DGKB: variants seen among roughly 807,000 people sequenced by gnomAD.
The protein encoded by DGKB is 90 kDa diacylglycerol kinase.
DGKB carries 67 observed loss-of-function variants against 114.3 expected under a neutral mutation model. The ratio of observed to expected loss-of-function variants is 0.59; its 90% CI spans 0.48 to 0.72. DGKB has a LOEUF of 0.72. Ranked by LOEUF, DGKB falls within the 30% of genes least tolerant of loss-of-function variation. DGKB has a pLI of 0.00. For synonymous variants in DGKB, 398 were observed against 323.1 expected, an observed-to-expected ratio of 1.23 and a Z score of -2.49; for missense variants, 907 against 975.2, an observed-to-expected ratio of 0.93 and a Z score of 0.93.
At chr7:14,676,185 T>C (rs1585566592) in intron 12 of DGKB, among the ~76,000 whole-genome samples, 1 of 148,542 alleles carries the variant, frequency 6.7e-6, no homozygotes, top group African/African-American at 2.6e-5. Context: ...AAATTTTTTT[T>C]CTTTAAGATA....
intron 8 of DGKB, among the ~76,000 whole-genome samples, chr7:14,695,107 A>G (rs1823585682): frequency 6.6e-6 from 1 of 152,180 alleles, no homozygotes; most frequent in African/African-American, 2.4e-5. Flanking sequence ...TGCATGAAAT[A>G]TTTGATTTGT....
intron 9 of DGKB, among the ~76,000 whole-genome samples, chr7:14,693,048 T>A (rs189846789): frequency 6.6e-6 from 1 of 152,190 alleles, no homozygotes; most frequent in Non-Finnish European, 1.5e-5. Context: ...AAATGACTTT[T>A]AAAAATTTGG....
chr7:14,206,322 G>A (rs1204246328), intron 23 of DGKB, among the ~76,000 whole-genome samples: 2 of 152,026 alleles, frequency 1.3e-5, no homozygotes, highest in African/African-American at 2.4e-5. Flanking sequence ...GAATTCATGT[G>A]TAAGCAACAA....
chr7:14,456,839 A>G (rs1832355619), intron 21 of DGKB, among the ~76,000 whole-genome samples: 1 of 152,126 alleles, frequency 6.6e-6, no homozygotes, highest in Non-Finnish European at 1.5e-5. Flanking sequence ...GACAAGGAAC[A>G]GCTTTGCAGG....
intron 21 of DGKB, among the ~76,000 whole-genome samples, chr7:14,445,704 T>A (rs1453516118): frequency 6.6e-6 from 1 of 151,950 alleles, no homozygotes; most frequent in Non-Finnish European, 1.5e-5. Context: ...CAGGTAGAAA[T>A]TTTTCCCAAG....
chr7:14,199,463 C>T (rs1785510169), intron 23 of DGKB, among the ~76,000 whole-genome samples: 1 of 152,006 alleles, frequency 6.6e-6, no homozygotes, highest in South Asian at 2.1e-4. Flanking sequence ...ATGAGCATTT[C>T]CACCATGAAA....
chr7:14,448,921 G>C (rs1418557004), intron 21 of DGKB, among the ~76,000 whole-genome samples: 2 of 152,020 alleles, frequency 1.3e-5, no homozygotes, highest in African/African-American at 4.8e-5. Context: ...ACTAAGAACA[G>C]AATTCAATAA....
intron 23 of DGKB, among the ~76,000 whole-genome samples, chr7:14,235,702 T>C (rs1338429628): frequency 1.3e-5 from 2 of 152,098 alleles, no homozygotes; most frequent in Non-Finnish European, 1.5e-5. Context: ...TGGCAACTTT[T>C]CCCAATACCC....
At chr7:14,677,665 A>C (rs150877665) in intron 12 of DGKB, among the ~76,000 whole-genome samples, 7 of 152,214 alleles carry the variant, frequency 4.6e-5, no homozygotes, top group African/African-American at 1.7e-4. Flanking sequence ...ACAACATGTT[A>C]TACAACGAAG....
In DGKB at chr7:14,832,083, A is replaced by G. The variant is rs549559376; in HGVS notation, c.70+9111T>C. ...TATGGTGGTTTGCAGTTTACAATGC[A>G]TTTCCACACATTATTTTATTTGGGT... On this transcript the variant is annotated intron_variant, in intron 2 of 25. Coordinates refer to ENST00000402815, the MANE Select transcript of DGKB (RefSeq NM_001350709.2). Among the ~76,000 whole-genome samples, 30 of 152,234 alleles carry G rather than the reference A, an allele frequency of 2.0e-4. No individual in the cohort carries two copies. In the South Asian group the frequency reaches 6.2e-3, roughly 32 times the overall value.
intron 13 of DGKB, among the ~76,000 whole-genome samples, chr7:14,632,965 C>T (rs1280185698): frequency 3.3e-5 from 5 of 151,648 alleles, no homozygotes; most frequent in East Asian, 1.9e-4. Flanking sequence ...AAAACAGGTC[C>T]GATGTTGCAA....
chr7:14,604,829 T>A (rs1237038409), intron 17 of DGKB, among the ~76,000 whole-genome samples: 1 of 152,120 alleles, frequency 6.6e-6, no homozygotes, highest in African/African-American at 2.4e-5. Context: ...TCTGAGCAAC[T>A]ACCTGTGGCA....
chr7:14,588,860 TTTC>T (rs780434264), intron 17 of DGKB, among the ~76,000 whole-genome samples: 23 of 152,070 alleles, frequency 1.5e-4, no homozygotes, highest in Non-Finnish European at 2.6e-4. Context: ...TTACCAATTA[TTTC>T]TTCTTTTTTT....
At chr7:14,637,501 T>C (rs989977632) in intron 13 of DGKB, among the ~76,000 whole-genome samples, 4 of 151,498 alleles carry the variant, frequency 2.6e-5, no homozygotes, top group African/African-American at 9.7e-5. Flanking sequence ...TTTACAAGAA[T>C]GTTTAACTCT....
At chr7:14,385,200 C>G (rs973160945) in intron 21 of DGKB, among the ~76,000 whole-genome samples, 12 of 152,034 alleles carry the variant, frequency 7.9e-5, no homozygotes, top group Admixed American at 7.9e-4. Context: ...ATGCTGTATG[C>G]TAACTCCTGA....
chr7:14,419,217 G>A lies in DGKB; in HGVS notation c.1835+58944C>T, dbSNP rs552515870. On this transcript the variant is annotated intron_variant, in intron 21 of 25. Coordinates refer to ENST00000402815, the MANE Select transcript of DGKB (RefSeq NM_001350709.2). ...ACCTCTGCAAAATTATCTATACTAT[G>A]GGAAAAAGAAAAGGAGTGAGAAAGT... 5.9e-5 allele frequency among the ~76,000 whole-genome samples: 9 copies of A among 151,956 alleles called. No homozygotes were observed. The East Asian group carries it at 1.2e-3, about 20-fold the overall frequency.
At chr7:14,909,399 A>C (rs1435897413) in intron 1 of DGKB, among the ~76,000 whole-genome samples, 1 of 152,140 alleles carries the variant, frequency 6.6e-6, no homozygotes, top group Non-Finnish European at 1.5e-5. Context: ...TAGCCTCTTT[A>C]TCCTTATGAA....
At chr7:14,209,670 A>G (rs1787436604) in intron 23 of DGKB, 1 of 348,824 alleles carries the variant, frequency 2.9e-6, no homozygotes, top group Admixed American at 4.1e-5. Flanking sequence ...GGAAAAAATA[A>G]CCTACTTAAA....
upstream of DGKB, among the ~76,000 whole-genome samples, chr7:14,905,564 C>T (rs1783659842): frequency 6.6e-6 from 1 of 152,146 alleles, no homozygotes; most frequent in Non-Finnish European, 1.5e-5. Context: ...GCTCTATACT[C>T]ATTCCTCAAC....
Sources: allele counts gnomAD v4.1 joint callset (sites outside exome capture counted in the v4.1 genomes callset), GRCh38; gene constraint gnomAD v4.1.1; transcripts MANE v1.5; gene names NCBI Gene and HGNC (gene_info 2026-07-23, HGNC 2026-07-21).